Variants in CCDC157 observed in about 807,000 individuals in gnomAD.
CCDC157 encodes the protein coiled-coil domain containing 157.
In CCDC157, 60 loss-of-function variants were observed where a neutral mutation model predicts 70.9. The ratio of observed to expected loss-of-function variants is 0.85; its 90% confidence interval spans 0.69 to 1.05. The LOEUF (loss-of-function observed/expected upper bound fraction) is 1.05, where lower values mean the gene tolerates loss of function less well. Ranked by LOEUF, CCDC157 falls within the 50% of genes least tolerant of loss-of-function variation. The pLI, the probability that CCDC157 is intolerant of heterozygous loss-of-function variation, is 0.00. For missense variants in CCDC157, 943 were observed against 984.2 expected, an observed-to-expected ratio of 0.96 and a Z score of 0.56; for synonymous variants, 373 against 422.4, an observed-to-expected ratio of 0.88 and a Z score of 1.43.
intron 2 of CCDC157, among the ~76,000 whole-genome samples, chr22:30,363,482 C>T (rs553025961): frequency 6.6e-6 from 1 of 152,056 alleles, no homozygotes; most frequent in Non-Finnish European, 1.5e-5. Context: ...TTCACAACAA[C>T]CTGGCCTGCT....
upstream of CCDC157, chr22:30,356,644 A>T: frequency 9.1e-7 from 1 of 1,094,096 alleles, no homozygotes; most frequent in Non-Finnish European, 1.2e-6. Context: ...CAAGCCCTTC[A>T]TAGCGGCCGG....
Position 30,369,530 on chromosome 22 carries a change from T to G in CCDC157, c.347T>G (p.Val116Gly). The change falls in exon 4 of 12, where the codon GTG becomes GGG. Residue 116 changes from valine to glycine, a missense_variant. By Grantham distance (109) the Val-to-Gly change is moderately radical. Coordinates refer to ENST00000338306, the MANE Select transcript of CCDC157 (RefSeq NM_001017437.5). ...PAQAAGPCMS[V>G]GLTVRRFWDS... ...CAGGCTGCGGGGCCCTGCATGTCCG[T>G]GGGGCTCACGGTGCGGCGCTTCTGG... 6.2e-7 allele frequency: 1 copy of G among 1,607,112 alleles called. No homozygotes were observed. Among genetic ancestry groups the G allele is most frequent in the Non-Finnish European group, 8.5e-7 (1 of 1,176,598 alleles).
chr22:30,363,623 G>A (rs1290470891), intron 2 of CCDC157, among the ~76,000 whole-genome samples: 1 of 149,498 alleles, frequency 6.7e-6, no homozygotes, highest in Non-Finnish European at 1.5e-5. Context: ...AGGGTGACTA[G>A]TTTATAGTGA....
Position 30,371,575 on chromosome 22 carries a change from G to GGGGCACACT in CCDC157, c.1046-69_1046-61dup, listed in dbSNP as rs1283542961. The GGGGCACACT allele has an allele frequency of 5.6e-6, 7 of 1,242,798 alleles. No homozygotes were observed. In the African/African-American group the frequency reaches 1.0e-4, roughly 18 times the overall value. The allele number at this position is 1,242,798 out of a possible 1,614,324, so 77.0% of individuals were successfully genotyped here. A position where few individuals can be genotyped will look rare whatever the true frequency, so the allele number is the denominator to read the frequency against. On this transcript the variant is annotated intron_variant, in intron 5 of 11. Transcript: ENST00000338306. The stretch of plus-strand genomic sequence containing the variant: ...AGGCGATGGGCTGCCTCCACTCCAC[G>GGGGCACACT]GGGCACACTGGGCATGAAGGCCGCC...
chr22:30,375,393 G>A, intron 9 of CCDC157, 86 bp from the exon 10 acceptor site: 1 of 1,276,584 alleles, frequency 7.8e-7, no homozygotes, highest in South Asian at 1.2e-5. Context: ...AGGAGGCCTG[G>A]TGCACTACAC....
Position 30,378,177 on chromosome 22 carries a change from G to A in CCDC157, c.*1432G>A, listed in dbSNP as rs1291494971. On this transcript the variant is annotated 3_prime_UTR_variant, in exon 12 of 12. Coordinates refer to ENST00000338306, the MANE Select transcript of CCDC157 (RefSeq NM_001017437.5). ...AACAACAGAGGATTTCTCATGTGCT[G>A]AATCCCCCACATGCTTCAAATCCCT... 2.1e-6 allele frequency: 1 copy of A among 470,754 alleles called. No homozygotes were observed. The highest frequency in any genetic ancestry group is 2.0e-5 in the African/African-American group (1 of 50,066). The allele number at this position is 470,754 out of a possible 1,614,324, so 29.2% of individuals were successfully genotyped here.
Position 30,366,150 on chromosome 22 carries a change from C to A in CCDC157, c.150C>A (p.Leu50=). The part of the protein sequence containing the change: ...WKFPDRMACD[L]DMVALLEHYD... Reference sequence around the variant, plus strand: ...TCCCTGACCGCATGGCCTGTGACCTCGACATGGTGGCCCTGCTGGAGCACT... The same window carrying A: ...TCCCTGACCGCATGGCCTGTGACCTAGACATGGTGGCCCTGCTGGAGCACT... Residue 50 remains leucine (L), a synonymous_variant, in exon 3 of 12, where the codon CTC becomes CTA. Coordinates refer to ENST00000338306, the MANE Select transcript of CCDC157 (RefSeq NM_001017437.5). 1 of 1,613,772 alleles carries A rather than the reference C, an allele frequency of 6.2e-7. No individual in the cohort carries two copies. Among genetic ancestry groups the A allele is most frequent in the Non-Finnish European group, 8.5e-7 (1 of 1,180,004 alleles).
At chr22:30,375,761 T>G in intron 10 of CCDC157, 98 bp downstream of exon 10, 1 of 1,050,408 alleles carries the variant, frequency 9.5e-7, no homozygotes, top group African/African-American at 1.6e-5. Flanking sequence ...AGAGCCCACC[T>G]CATCACATGA....
At chr22:30,362,797 G>A (rs1932440617) in intron 2 of CCDC157, among the ~76,000 whole-genome samples, 1 of 152,166 alleles carries the variant, frequency 6.6e-6, no homozygotes, top group African/African-American at 2.4e-5. Context: ...GGGGGTAGAG[G>A]AAAGAGGGAA....
intron 7 of CCDC157, 52 bp downstream of exon 7, chr22:30,372,338 A>G (rs1232830816): frequency 6.9e-7 from 1 of 1,459,760 alleles, no homozygotes; most frequent in Non-Finnish European, 9.0e-7. Context: ...GGCTGCAGGG[A>G]AAGAGGGCTC....
intron 4 of CCDC157, chr22:30,370,021 T>G: frequency 3.9e-6 from 2 of 512,890 alleles, no homozygotes; most frequent in East Asian, 6.6e-5. Flanking sequence ...GCAGGTCCAG[T>G]AAGCAAGAGC....
At chr22:30,373,292 T>C in intron 7 of CCDC157, 1 of 342,978 alleles carries the variant, frequency 2.9e-6, no homozygotes, top group Non-Finnish European at 5.4e-6. Context: ...CCTCTCCAAG[T>C]GGGGTCTGTG....
intron 1 of CCDC157, among the ~76,000 whole-genome samples, chr22:30,357,466 G>A (rs950036692): frequency 2.0e-5 from 3 of 152,048 alleles, no homozygotes; most frequent in African/African-American, 7.2e-5. Flanking sequence ...CCCACTGGGG[G>A]CCTCCCTCTC....
chr22:30,369,547 C>T lies in CCDC157; in HGVS notation c.364C>T (p.Arg122Cys), dbSNP rs765915278. The change falls in exon 4 of 12, where the codon CGC becomes TGC. Residue 122 changes from arginine (R) to cysteine (C), a missense_variant. By Grantham distance (180) the Arg-to-Cys change is radical. Transcript: ENST00000338306. ...PCMSVGLTVR[R>C]FWDSLLRLGT... Reference sequence around the variant, plus strand: ...CATGTCCGTGGGGCTCACGGTGCGGCGCTTCTGGGACAGCCTGCTGAGGCT... The same window carrying T: ...CATGTCCGTGGGGCTCACGGTGCGGTGCTTCTGGGACAGCCTGCTGAGGCT... The T allele has an allele frequency of 1.6e-5, 25 of 1,603,244 alleles. No homozygotes were observed. The highest frequency in any genetic ancestry group is 1.7e-4 in the Middle Eastern group (1 of 6,010).
intron 3 of CCDC157, chr22:30,366,517 C>T (rs1466693375): frequency 1.9e-6 from 1 of 532,134 alleles, no homozygotes. Flanking sequence ...GTCTCTGTGG[C>T]ACCACAGCTG....
At chr22:30,360,886 A>G (rs1344955182) in intron 1 of CCDC157, among the ~76,000 whole-genome samples, 2 of 152,094 alleles carry the variant, frequency 1.3e-5, no homozygotes, top group African/African-American at 2.4e-5. Context: ...TCTCTAATAA[A>G]AAATACAAAA....
In CCDC157 at chr22:30,372,105, G is replaced by A. The variant is rs770367866; in HGVS notation, c.1154G>A (p.Gly385Asp). The change falls in exon 7 of 12, where the codon GGT becomes GAT. Residue 385 changes from glycine to aspartate, a missense_variant. Transcript: ENST00000338306. ...EAKAQQLQEEGERRAAAERQV... is the reference protein window; with the variant it reads ...EAKAQQLQEEDERRAAAERQV... ...AAGGCCCAGCAGCTGCAGGAGGAAG[G>A]TGAGCGCAGGGCGGCAGCGGAGAGG... The A allele has an allele frequency of 1.3e-6, 2 of 1,553,970 alleles. No individual in the cohort carries two copies. The highest frequency in any genetic ancestry group is 1.7e-6 in the Non-Finnish European group (2 of 1,149,112).
rs182199552 is a variant in CCDC157 at position 30,359,685 on chromosome 22, A to T, written c.-165-2276A>T. ...AGATTTTGAGACTTAATACCATAAAAATGTTAAAAATCTCCTTAATAATTT... is the reference window on the plus strand; with the variant it reads ...AGATTTTGAGACTTAATACCATAAATATGTTAAAAATCTCCTTAATAATTT... On this transcript the variant is annotated intron_variant, in intron 1 of 11. Transcript: ENST00000338306. Among the ~76,000 whole-genome samples, 11 of 152,350 alleles carry T rather than the reference A, an allele frequency of 7.2e-5. No homozygotes were observed. In the East Asian group the frequency reaches 1.2e-3, roughly 16 times the overall value.
chr22:30,361,792 T>C (rs1228222235), intron 1 of CCDC157, among the ~76,000 whole-genome samples, 169 bp from the exon 2 acceptor site: 2 of 152,166 alleles, frequency 1.3e-5, no homozygotes, highest in Admixed American at 6.5e-5. Context: ...CCAGCACTAT[T>C]GAAGAGTACC....
Sources: gnomAD v4.1 joint callset for allele counts (sites outside exome capture counted in the v4.1 genomes callset) on GRCh38, gnomAD v4.1.1 for gene constraint, MANE v1.5 for transcripts, NCBI Gene and HGNC (gene_info 2026-07-23, HGNC 2026-07-21) for gene names.